The following CRACD variants were observed in gnomAD, a reference collection of about 807,000 sequenced individuals.
The protein encoded by CRACD is capping protein-inhibiting regulator of actin dynamics.
CRACD carries 56 observed loss-of-function variants against 106.8 expected under a neutral mutation model. That is an observed-to-expected ratio of 0.52 (90% CI 0.42 to 0.66). CRACD has a LOEUF of 0.66. Among genes scored for constraint, CRACD ranks in the 30% least tolerant of loss-of-function variants. The probability of loss-of-function intolerance (pLI) is 0.00; values close to 1 mark genes in which losing one functional copy is unlikely to be tolerated. For synonymous variants in CRACD, 754 were observed against 670.8 expected (o/e 1.12, Z -1.92); for missense variants, 1,730 against 1,623.2 (o/e 1.07, Z -1.13).
intron 8 of CRACD, among the ~76,000 whole-genome samples, chr4:56,322,204 G>A (rs1746148369): frequency 6.6e-6 from 1 of 152,158 alleles, no homozygotes; most frequent in South Asian, 2.1e-4. Context: ...AGAGTGACCA[G>A]GATTTGCCAA....
At chr4:56,207,876 G>A (rs950736927) in intron 2 of CRACD, among the ~76,000 whole-genome samples, 2 of 148,964 alleles carry the variant, frequency 1.3e-5, no homozygotes, top group Non-Finnish European at 3.0e-5. Flanking sequence ...ACCCAGACTG[G>A]AGTGACACTG....
At chr4:56,317,183 G>A (rs1233196750) in intron 8 of CRACD, among the ~76,000 whole-genome samples, 1 of 152,196 alleles carries the variant, frequency 6.6e-6, no homozygotes, top group Non-Finnish European at 1.5e-5. Context: ...ATGGTCACCA[G>A]GTGGTCCTTG....
intron 1 of CRACD, among the ~76,000 whole-genome samples, chr4:56,149,413 G>T (rs1651068016): frequency 6.6e-6 from 1 of 152,126 alleles, no homozygotes; most frequent in African/African-American, 2.4e-5. Flanking sequence ...TCAGATTCTA[G>T]TTTGAGATTA....
chr4:56,161,144 G>A (rs1203906230), intron 1 of CRACD, among the ~76,000 whole-genome samples: 1 of 151,982 alleles, frequency 6.6e-6, no homozygotes, highest in Non-Finnish European at 1.5e-5. Flanking sequence ...ACTAGTTCTC[G>A]GTCTATGGAT....
Position 56,315,023 on chromosome 4 carries a change from G to A in CRACD, c.1521G>A (p.Arg507=), listed in dbSNP as rs761483934. The A allele has an allele frequency of 1.3e-6, 2 of 1,594,002 alleles. No homozygotes were observed. The highest frequency in any genetic ancestry group is 1.7e-6 in the Non-Finnish European group (2 of 1,171,622). ...AAGCCGCGCAGCCTCCGGTGGAGAG[G>A]AAAGAAGCCGCCGCCCTTGAACAAG... ...PVEAAQPPVE[R]KEAAALEQGR... Residue 507 remains arginine, a synonymous_variant, in exon 8 of 11, where the codon AGG becomes AGA. Coordinates refer to ENST00000682029, the MANE Select transcript of CRACD (RefSeq NM_001393381.1). This position sits in a 1 kb window ranked among gnomAD's most constrained non-coding sequence, Gnocchi z 4.1.
intron 1 of CRACD, among the ~76,000 whole-genome samples, chr4:56,176,280 C>A (rs550586930): frequency 1.3e-5 from 2 of 152,014 alleles, no homozygotes; most frequent in South Asian, 2.1e-4. Context: ...TGGTTCCATG[C>A]GAATTTTAGC....
chr4:56,125,283 T>C (rs1734621290), intron 1 of CRACD, among the ~76,000 whole-genome samples: 1 of 152,218 alleles, frequency 6.6e-6, no homozygotes, highest in South Asian at 2.1e-4. Context: ...CTACATTTAT[T>C]AGCTAGTATT....
chr4:56,185,998 CTCCTTTCTTCTG>C (rs1737080311), intron 2 of CRACD, among the ~76,000 whole-genome samples: 1 of 152,218 alleles, frequency 6.6e-6, no homozygotes, highest in Non-Finnish European at 1.5e-5. Flanking sequence ...ACACCCATCC[CTCCTTTCTTCTG>C]TCCTTGGTGA....
chr4:56,307,675 C>A lies in CRACD; in HGVS notation c.261C>A (p.Ile87=). ...SPMEIVTQQD[I]VLSDAENKSS... ...TGGAAATTGTGACTCAGCAGGACAT[C>A]GTCCTCTCAGACGCAGAGAACAAGG... is the stretch of plus-strand genomic sequence containing the variant. The change falls in exon 5 of 11, where the codon ATC becomes ATA. Residue 87 remains isoleucine (I), a synonymous_variant. Transcript: ENST00000682029. The A allele has an allele frequency of 6.2e-7, 1 of 1,614,128 alleles. No homozygotes were observed. Among genetic ancestry groups the A allele is most frequent in the Non-Finnish European group, 8.5e-7 (1 of 1,180,012 alleles).
chr4:56,118,522 A>G (rs1017668881), intron 1 of CRACD, among the ~76,000 whole-genome samples: 1 of 152,220 alleles, frequency 6.6e-6, no homozygotes, highest in African/African-American at 2.4e-5. Context: ...TTCTGCCTAA[A>G]CATTTTCATC....
intron 4 of CRACD, among the ~76,000 whole-genome samples, chr4:56,299,477 C>T (rs960028937): frequency 6.6e-6 from 1 of 152,008 alleles, no homozygotes; most frequent in African/African-American, 2.4e-5. Flanking sequence ...TGAGACTAAC[C>T]TGGGCAACAT....
chr4:56,187,903 A>G (rs1737153662), intron 2 of CRACD, among the ~76,000 whole-genome samples: 1 of 152,126 alleles, frequency 6.6e-6, no homozygotes, highest in African/African-American at 2.4e-5. Flanking sequence ...GTCCTCCACT[A>G]CTGTTTACTG....
Position 56,134,149 on chromosome 4 carries a change from C to T in CRACD, c.-335-45135C>T, listed in dbSNP as rs1433227990. Among the ~76,000 whole-genome samples the T allele has an allele frequency of 3.3e-5, 5 of 151,716 alleles. No individual in the cohort carries two copies. In the South Asian group the frequency reaches 6.3e-4, roughly 19 times the overall value. ...CCAGGAGGTGAAGGTTGTAGTGAGC[C>T]GAGATTCCCACCACTGTACTCTAGC... On this transcript the variant is annotated intron_variant, in intron 1 of 10. Coordinates refer to ENST00000682029, the MANE Select transcript of CRACD (RefSeq NM_001393381.1).
At chr4:56,119,335 T>G (rs1417402672) in intron 1 of CRACD, among the ~76,000 whole-genome samples, 1 of 152,010 alleles carries the variant, frequency 6.6e-6, no homozygotes, top group African/African-American at 2.4e-5. Flanking sequence ...CAGTCTTTTT[T>G]TTTTTCTTTT....
intron 2 of CRACD, among the ~76,000 whole-genome samples, chr4:56,237,795 G>A (rs576297292): frequency 1.1e-3 from 159 of 150,984 alleles, no homozygotes; most frequent in African/African-American, 3.8e-3. Flanking sequence ...TAGATAGAGC[G>A]ATGGATGAAT....
chr4:56,275,402 T>A (rs1742620881), intron 3 of CRACD, among the ~76,000 whole-genome samples: 1 of 152,138 alleles, frequency 6.6e-6, no homozygotes, highest in African/African-American at 2.4e-5. Flanking sequence ...TATAGTGCGC[T>A]ATGATCATGT....
chr4:56,281,780 GCT>G (rs1322114756), intron 3 of CRACD, among the ~76,000 whole-genome samples: 1 of 152,132 alleles, frequency 6.6e-6, no homozygotes, highest in Non-Finnish European at 1.5e-5. Context: ...TGTGAAGTGG[GCT>G]TTAGAGGCAA....
chr4:56,296,760 G>A (rs556455471), intron 3 of CRACD, among the ~76,000 whole-genome samples: 1 of 152,266 alleles, frequency 6.6e-6, no homozygotes, highest in South Asian at 2.1e-4. Flanking sequence ...ATGCCTTGCT[G>A]CTCTTCCTGC....
Position 56,162,864 on chromosome 4 carries a change from ACTT to A in CRACD, c.-335-16414_-335-16412del, listed in dbSNP as rs1283663038. On this transcript the variant is annotated intron_variant, in intron 1 of 10. Transcript: ENST00000682029. ...AGTGCTCTGCCTTAGGGATTGGCAA[ACTT>A]CTTCTGTAAAGGGCCAGATGGTAAA... Among the ~76,000 whole-genome samples the A allele has an allele frequency of 3.3e-5, 5 of 152,184 alleles. 1 individual carries two copies. The highest frequency in any genetic ancestry group is 7.3e-5 in the Non-Finnish European group (5 of 68,034).
Sources: allele counts gnomAD v4.1 joint callset (sites outside exome capture counted in the v4.1 genomes callset), GRCh38; gene constraint gnomAD v4.1.1; non-coding constraint Gnocchi (gnomAD v3.1); transcripts MANE v1.5; gene names NCBI Gene and HGNC (gene_info 2026-07-23, HGNC 2026-07-21).